PDE10A: variants seen among roughly 807,000 people sequenced by gnomAD.
PDE10A encodes the protein phosphodiesterase 10A, also known as cAMP and cAMP-inhibited cGMP 3',5'-cyclic phosphodiesterase 10A.
PDE10A carries 39 observed loss-of-function variants against 97.7 expected under a neutral mutation model. The ratio of observed to expected loss-of-function variants is 0.40; its 90% CI spans 0.31 to 0.52. The LOEUF (loss-of-function observed/expected upper bound fraction) is 0.52, where lower values mean the gene tolerates loss of function less well. PDE10A is among the 20% of genes least tolerant of loss of function. The pLI is 0.56. For missense variants in PDE10A, 731 were observed against 1,047.8 expected (o/e 0.70, Z 4.17); for synonymous variants, 371 against 376.8 (o/e 0.98, Z 0.18).
At chr6:165,365,887 CA>C (rs1323568225) in intron 18 of PDE10A, among the ~76,000 whole-genome samples, 1 of 151,734 alleles carries the variant, frequency 6.6e-6, no homozygotes, top group African/African-American at 2.4e-5. Flanking sequence ...TTATAATGTA[CA>C]AAAAAGACAA....
chr6:165,413,377 C>T (rs972075570), intron 13 of PDE10A, 124 bp downstream of exon 13: 3 of 610,672 alleles, frequency 4.9e-6, no homozygotes, highest in Non-Finnish European at 8.3e-6. Context: ...TCAGGAATCA[C>T]TTACTTTTCC....
chr6:165,740,592 C>T (rs926559857), intron 1 of PDE10A, among the ~76,000 whole-genome samples: 2 of 152,164 alleles, frequency 1.3e-5, no homozygotes, highest in Non-Finnish European at 2.9e-5. Flanking sequence ...CTCACCCTCC[C>T]AAAGTGCTGG....
At chr6:165,986,500 C>CCTCTCTCT (rs1353099002) in intron 1 of PDE10A, 3 of 130,436 alleles carry the variant, frequency 2.3e-5, no homozygotes, top group African/African-American at 9.4e-5. Flanking sequence ...TGGTGTTGCG[C>CCTCTCTCT]CTCTCTCTCT....
intron 1 of PDE10A, among the ~76,000 whole-genome samples, chr6:165,734,273 C>T (rs143984545): frequency 9.3e-4 from 141 of 152,222 alleles, no homozygotes; most frequent in South Asian, 4.6e-3. Context: ...GGAGGTGACA[C>T]GCCTGGGCCA....
Position 165,418,586 on chromosome 6 carries a change from G to C in PDE10A, c.1796+49C>G. 6.4e-7 allele frequency: 1 copy of C among 1,562,146 alleles called. No homozygotes were observed. Among genetic ancestry groups the C allele is most frequent in the Non-Finnish European group, 8.7e-7 (1 of 1,145,156 alleles). ...GGCACAGAAAAATGGGTAACGGAAC[G>C]CCTGCACATCTACCGTAAGAGGATA... On this transcript the variant is annotated intron_variant, in intron 11 of 21. Coordinates refer to ENST00000539869, the MANE Select transcript of PDE10A (RefSeq NM_001385079.1). The surrounding 1 kb of genome is among the most constrained non-coding windows in gnomAD (Gnocchi z 4.8).
chr6:165,943,291 G>GAA (rs1373184683), intron 1 of PDE10A, among the ~76,000 whole-genome samples: 2 of 96,832 alleles, frequency 2.1e-5, no homozygotes, highest in African/African-American at 9.4e-5. Flanking sequence ...AAGAAAGAAA[G>GAA]AAGGAAAGAA....
chr6:165,561,817 G>C (rs935746650), intron 1 of PDE10A, among the ~76,000 whole-genome samples: 2 of 152,150 alleles, frequency 1.3e-5, no homozygotes. Context: ...TGAAAATGAA[G>C]ACATGAATAC....
At chr6:165,680,175 C>T (rs1040270082) in intron 1 of PDE10A, among the ~76,000 whole-genome samples, 1 of 152,014 alleles carries the variant, frequency 6.6e-6, no homozygotes, top group Admixed American at 6.6e-5. Flanking sequence ...AGGAACTTAA[C>T]ATCTAATTGG....
chr6:165,868,141 A>T (rs899147139), intron 1 of PDE10A, among the ~76,000 whole-genome samples: 2 of 152,056 alleles, frequency 1.3e-5, no homozygotes, highest in African/African-American at 4.8e-5. Flanking sequence ...CCAAACCCAA[A>T]ATTGGTACAA....
At chr6:165,805,355 G>C (rs1240236504) in intron 1 of PDE10A, among the ~76,000 whole-genome samples, 1 of 152,130 alleles carries the variant, frequency 6.6e-6, no homozygotes, top group East Asian at 1.9e-4. Context: ...CTCTCCCAGG[G>C]CCCCGGAGGG....
At chr6:165,687,290 C>T (rs1458270603) in intron 1 of PDE10A, among the ~76,000 whole-genome samples, 1 of 152,192 alleles carries the variant, frequency 6.6e-6, no homozygotes, top group Non-Finnish European at 1.5e-5. Context: ...ATCCACATTG[C>T]TTGGGAAGGT....
chr6:165,532,713 A>G (rs1285858022), intron 2 of PDE10A, among the ~76,000 whole-genome samples: 1 of 152,164 alleles, frequency 6.6e-6, no homozygotes, highest in African/African-American at 2.4e-5. Flanking sequence ...ACTAGTTCCC[A>G]GGTGATGTTC....
intron 3 of PDE10A, among the ~76,000 whole-genome samples, chr6:165,452,466 T>A (rs1791366628): frequency 6.6e-6 from 1 of 152,158 alleles, no homozygotes; most frequent in Admixed American, 6.5e-5. Context: ...GGAATAATGA[T>A]GTTATTGGGG....
intron 1 of PDE10A, among the ~76,000 whole-genome samples, chr6:165,546,345 A>G (rs1783738309): frequency 6.6e-6 from 1 of 152,084 alleles, no homozygotes; most frequent in Non-Finnish European, 1.5e-5. Context: ...AACGATGAAT[A>G]CATGACACTA....
At chr6:165,599,536 AC>A (rs2128393757) in intron 1 of PDE10A, among the ~76,000 whole-genome samples, 1 of 152,274 alleles carries the variant, frequency 6.6e-6, no homozygotes, top group South Asian at 2.1e-4. Context: ...CCATCACTTA[AC>A]CCAGGACAAT....
chr6:165,578,648 G>C (rs958062002), intron 1 of PDE10A, among the ~76,000 whole-genome samples: 1 of 49,562 alleles, frequency 2.0e-5, no homozygotes, highest in Non-Finnish European at 8.6e-5. Context: ...CCTACTAAAT[G>C]CATTTACCCT....
chr6:165,721,206 G>A (rs148808891), intron 1 of PDE10A, among the ~76,000 whole-genome samples: 1 of 152,294 alleles, frequency 6.6e-6, no homozygotes, highest in African/African-American at 2.4e-5. Context: ...GTGGCACAGG[G>A]TTTTCTTGAC....
chr6:165,733,115 G>A (rs1168921617), intron 1 of PDE10A, among the ~76,000 whole-genome samples: 5 of 152,120 alleles, frequency 3.3e-5, no homozygotes, highest in African/African-American at 1.2e-4. Flanking sequence ...ATTTCCAGTC[G>A]GCACTGTGAA....
chr6:165,765,555 G>A (rs1024937080), intron 1 of PDE10A, among the ~76,000 whole-genome samples: 7 of 152,236 alleles, frequency 4.6e-5, no homozygotes, highest in South Asian at 2.1e-4. Flanking sequence ...GCCTGGGGCC[G>A]GCAGGGCCGG....
Sources: allele counts gnomAD v4.1 joint callset (sites outside exome capture counted in the v4.1 genomes callset), GRCh38; gene constraint gnomAD v4.1.1; non-coding constraint Gnocchi (gnomAD v3.1); transcripts MANE v1.5; gene names NCBI Gene and HGNC (gene_info 2026-07-23, HGNC 2026-07-21).